Variants in GPC5 observed in about 807,000 individuals in gnomAD.
GPC5 encodes the protein glypican-5.
In GPC5, 47 loss-of-function variants were observed where a neutral mutation model predicts 53.9. That is an observed-to-expected ratio of 0.87 (90% CI 0.69 to 1.11). The LOEUF is 1.11. GPC5 is among the 50% of genes most tolerant of loss of function. GPC5 has a pLI of 0.00. For missense variants in GPC5, 748 were observed against 713.1 expected (o/e 1.05, Z -0.56); for synonymous variants, 286 against 263.3 (o/e 1.09, Z -0.84).
chr13:91,669,278 A>G (rs6492560), intron 2 of GPC5, among the ~76,000 whole-genome samples: 38,179 of 152,118 alleles, frequency 0.25, 6,661 homozygotes, highest in African/African-American at 0.49. Flanking sequence ...ACAAAACATG[A>G]TTGTTTCAGA....
chr13:91,464,434 G>C (rs1215349303), intron 2 of GPC5, among the ~76,000 whole-genome samples: 10 of 152,118 alleles, frequency 6.6e-5, no homozygotes, highest in Admixed American at 6.6e-4. Context: ...AATGTTCATA[G>C]CAGCTTTATT....
intron 7 of GPC5, among the ~76,000 whole-genome samples, chr13:92,368,961 T>C (rs1268864390): frequency 6.6e-6 from 1 of 152,194 alleles, no homozygotes; most frequent in African/African-American, 2.4e-5. Flanking sequence ...CAGTCAAGCA[T>C]GAGTCTATTG....
chr13:91,479,280 A>C (rs1883178303), intron 2 of GPC5, among the ~76,000 whole-genome samples: 1 of 152,110 alleles, frequency 6.6e-6, no homozygotes. Context: ...TTTACACCTA[A>C]AAATTAAATA....
chr13:92,481,869 C>T (rs1369772404), intron 7 of GPC5, among the ~76,000 whole-genome samples: 3 of 152,100 alleles, frequency 2.0e-5, no homozygotes, highest in Non-Finnish European at 4.4e-5. Flanking sequence ...TGGCTGACAC[C>T]TGTAAACCCA....
intron 2 of GPC5, among the ~76,000 whole-genome samples, chr13:91,510,299 G>A (rs533539779): frequency 7.2e-5 from 11 of 152,082 alleles, no homozygotes; most frequent in East Asian, 1.9e-4. Context: ...TTTAATGCAC[G>A]GAACAAGCTC....
rs188466064 is a variant in GPC5 at position 92,099,554 on chromosome 13, C to G, written c.1402-45276C>G. 1.4e-3 allele frequency among the ~76,000 whole-genome samples: 209 copies of G among 152,230 alleles called. 1 individual carries two copies. Among genetic ancestry groups the G allele is most frequent in the Admixed American group, 2.8e-3 (42 of 15,272 alleles). ...TGGAACTGTGTTTTTGCTTTGTGCC[C>G]TCTTGTTTTCTTGATCCTCTTTATC... On this transcript the variant is annotated intron_variant, in intron 6 of 7. Transcript: ENST00000377067.
At chr13:92,103,511 C>T (rs1244316322) in intron 6 of GPC5, among the ~76,000 whole-genome samples, 2 of 152,120 alleles carry the variant, frequency 1.3e-5, no homozygotes, top group African/African-American at 4.8e-5. Flanking sequence ...CAATGTAGCA[C>T]TGAAATCTTT....
chr13:92,799,976 T>C (rs1414743329), intron 7 of GPC5, among the ~76,000 whole-genome samples: 1 of 151,882 alleles, frequency 6.6e-6, no homozygotes, highest in African/African-American at 2.4e-5. Context: ...TAGCTAGTTC[T>C]CACCTTACTA....
chr13:91,434,907 C>T (rs1594085175), intron 1 of GPC5, among the ~76,000 whole-genome samples: 2 of 152,108 alleles, frequency 1.3e-5, no homozygotes, highest in East Asian at 3.9e-4. Context: ...CTTCACGTCC[C>T]TTGTAAGTTG....
intron 6 of GPC5, among the ~76,000 whole-genome samples, chr13:92,077,335 A>T (rs1053221875): frequency 3.9e-5 from 6 of 152,160 alleles, no homozygotes; most frequent in Non-Finnish European, 8.8e-5. Flanking sequence ...TATTGAATGA[A>T]CTGGATTTCC....
chr13:92,684,667 C>G (rs1443340534), intron 7 of GPC5, among the ~76,000 whole-genome samples: 4 of 152,072 alleles, frequency 2.6e-5, no homozygotes, highest in Non-Finnish European at 4.4e-5. Context: ...TTGGTTGTTT[C>G]TCTTTTGGTA....
chr13:91,656,620 C>T (rs999068008), intron 2 of GPC5, among the ~76,000 whole-genome samples: 1 of 152,146 alleles, frequency 6.6e-6, no homozygotes, highest in Non-Finnish European at 1.5e-5. Flanking sequence ...CATGAAATCA[C>T]ATCAGTTGTT....
intron 2 of GPC5, among the ~76,000 whole-genome samples, chr13:91,573,042 A>G (rs1306542585): frequency 6.6e-6 from 1 of 152,166 alleles, no homozygotes; most frequent in African/African-American, 2.4e-5. Context: ...AAGTTGAACA[A>G]TGGCCCCTGT....
intron 7 of GPC5, among the ~76,000 whole-genome samples, chr13:92,407,288 C>A (rs1327667899): frequency 6.6e-6 from 1 of 152,142 alleles, no homozygotes; most frequent in Non-Finnish European, 1.5e-5. Context: ...CTTTTAATGA[C>A]TTCTTTGAAT....
intron 6 of GPC5, among the ~76,000 whole-genome samples, chr13:92,063,784 T>C (rs2041143092): frequency 6.6e-6 from 1 of 152,178 alleles, no homozygotes; most frequent in Non-Finnish European, 1.5e-5. Flanking sequence ...AATGTTAGCA[T>C]AAAAAGTTTA....
intron 7 of GPC5, among the ~76,000 whole-genome samples, chr13:92,565,978 T>C (rs1882851681): frequency 6.6e-6 from 1 of 152,144 alleles, no homozygotes; most frequent in South Asian, 2.1e-4. Context: ...CAGTATTGTT[T>C]ATGAAGTCAA....
rs1205944401 is a variant in GPC5 at position 92,527,160 on chromosome 13, GAA to G, written c.1562-339120_1562-339119del. On this transcript the variant is annotated intron_variant, in intron 7 of 7. Transcript: ENST00000377067. ...AGAAAGAAAGAAAGAAAGAAAGAAAGAAAGAAAGAAAGAGAAAGAAAGAAGAA... is the reference window on the plus strand; with the variant it reads ...AGAAAGAAAGAAAGAAAGAAAGAAAGAGAAAGAAAGAGAAAGAAAGAAGAA... Among the ~76,000 whole-genome samples the G allele has an allele frequency of 2.5e-3, 274 of 107,826 alleles. 4 individuals carry two copies. Among genetic ancestry groups the G allele is most frequent in the African/African-American group, 7.3e-3 (203 of 27,962 alleles). 70.7% of individuals were successfully genotyped at this position (107,826 alleles called of 152,430 possible).
At chr13:91,417,438 C>T (rs1878315879) in intron 1 of GPC5, among the ~76,000 whole-genome samples, 1 of 152,134 alleles carries the variant, frequency 6.6e-6, no homozygotes, top group Non-Finnish European at 1.5e-5. Flanking sequence ...CGTAGATTCT[C>T]TAAAGACAAG....
chr13:91,671,098 T>C (rs1358089669), intron 2 of GPC5, among the ~76,000 whole-genome samples: 2 of 152,188 alleles, frequency 1.3e-5, no homozygotes, highest in East Asian at 1.9e-4. Context: ...ATTAGTGTAT[T>C]GGGCCCCAGT....
Sources: allele counts gnomAD v4.1 joint callset (sites outside exome capture counted in the v4.1 genomes callset), GRCh38; gene constraint gnomAD v4.1.1; transcripts MANE v1.5; gene names NCBI Gene and HGNC (gene_info 2026-07-23, HGNC 2026-07-21).